The following TRPS1 variants were observed in gnomAD, a reference collection of about 807,000 sequenced individuals.
The protein encoded by TRPS1 is zinc finger transcription factor Trps1.
Under a neutral mutation model 101.2 loss-of-function variants are expected in TRPS1, and 6 were observed. The ratio of observed to expected loss-of-function variants is 0.06; its 90% confidence interval spans 0.03 to 0.12. The LOEUF (loss-of-function observed/expected upper bound fraction) is 0.12. TRPS1 is among the 10% of genes least tolerant of loss of function. TRPS1 has a pLI of 1.00. For missense variants in TRPS1, 1,363 were observed against 1,567.0 expected, an observed-to-expected ratio of 0.87 and a Z score of 2.20; for synonymous variants, 578 against 589.8, an observed-to-expected ratio of 0.98 and a Z score of 0.29.
At chr8:115,446,996 C>G (rs899037176) in intron 5 of TRPS1, among the ~76,000 whole-genome samples, 1 of 152,090 alleles carries the variant, frequency 6.6e-6, no homozygotes, top group African/African-American at 2.4e-5. Context: ...CCCAGGAGTA[C>G]TTGTTTACAA....
At chr8:115,625,084 C>T (rs1026121636) in intron 1 of TRPS1, among the ~76,000 whole-genome samples, 3 of 151,894 alleles carry the variant, frequency 2.0e-5, no homozygotes, top group Non-Finnish European at 2.9e-5. Context: ...GCTTAGATCA[C>T]GCATCAGCTC....
chr8:115,587,744 A>T (rs1817599033), intron 4 of TRPS1, 140 bp from the exon 5 acceptor site: 1 of 1,427,788 alleles, frequency 7.0e-7, no homozygotes. Flanking sequence ...TTAACACCCC[A>T]AAACTGGAAT....
chr8:115,526,729 T>C (rs762760544), intron 5 of TRPS1, among the ~76,000 whole-genome samples: 23 of 152,164 alleles, frequency 1.5e-4, no homozygotes, highest in Non-Finnish European at 2.8e-4. Context: ...CCCCAGACTG[T>C]CCTGCCTTAA....
chr8:115,554,615 A>T (rs1432734177), intron 5 of TRPS1, among the ~76,000 whole-genome samples: 1 of 152,198 alleles, frequency 6.6e-6, no homozygotes, highest in African/African-American at 2.4e-5. Flanking sequence ...TGAGGATTGC[A>T]CCGCAGTTTT....
intron 4 of TRPS1, among the ~76,000 whole-genome samples, chr8:115,598,528 G>C (rs1306201860): frequency 2.0e-5 from 3 of 152,046 alleles, no homozygotes; most frequent in Admixed American, 2.0e-4. Context: ...TGCCCAGGCT[G>C]ATCTCAAACT....
intron 5 of TRPS1, among the ~76,000 whole-genome samples, chr8:115,433,889 G>A (rs560160033): frequency 6.6e-6 from 1 of 152,132 alleles, no homozygotes; most frequent in Admixed American, 6.6e-5. Context: ...AGTGTCTCTG[G>A]GATAATTGTT....
chr8:115,563,164 A>T (rs16887545), intron 5 of TRPS1, among the ~76,000 whole-genome samples: 5,429 of 152,128 alleles, frequency 0.036, 362 homozygotes, highest in African/African-American at 0.12. Context: ...CCCAACAAAC[A>T]TGCATCACTA....
chr8:115,453,205 G>A (rs1250712028), intron 5 of TRPS1, among the ~76,000 whole-genome samples: 1 of 152,042 alleles, frequency 6.6e-6, no homozygotes, highest in Non-Finnish European at 1.5e-5. Flanking sequence ...ATTTTTAGTA[G>A]AGACGGGGTT....
intron 5 of TRPS1, among the ~76,000 whole-genome samples, chr8:115,539,845 G>A (rs946863233): frequency 3.3e-5 from 5 of 152,126 alleles, no homozygotes; most frequent in Non-Finnish European, 7.4e-5. Context: ...CATAGAGGCT[G>A]GAATGCAGCC....
chr8:115,638,278 AGTTT>A (rs143190377), intron 1 of TRPS1, among the ~76,000 whole-genome samples: 4,392 of 152,216 alleles, frequency 0.029, 199 homozygotes, highest in African/African-American at 0.099. Flanking sequence ...ATCCAGACAG[AGTTT>A]GTTTTTGAAG....
intron 5 of TRPS1, among the ~76,000 whole-genome samples, chr8:115,493,593 C>T (rs1815080839): frequency 6.6e-6 from 1 of 151,990 alleles, no homozygotes; most frequent in Admixed American, 6.5e-5. Context: ...AAGTGATCCA[C>T]CCGCCTCAGC....
intron 5 of TRPS1, among the ~76,000 whole-genome samples, chr8:115,565,336 T>C (rs896754516): frequency 2.0e-5 from 3 of 152,084 alleles, no homozygotes; most frequent in African/African-American, 7.2e-5. Context: ...ACCCCAACTG[T>C]GTATCCCATT....
intron 5 of TRPS1, among the ~76,000 whole-genome samples, chr8:115,444,070 A>G (rs1813672234): frequency 6.6e-6 from 1 of 152,196 alleles, no homozygotes; most frequent in African/African-American, 2.4e-5. Flanking sequence ...GTAGTTTATC[A>G]TTAGCATCTT....
chr8:115,598,031 A>G (rs1425664450), intron 4 of TRPS1, among the ~76,000 whole-genome samples: 1 of 152,182 alleles, frequency 6.6e-6, no homozygotes, highest in Non-Finnish European at 1.5e-5. Flanking sequence ...AAGACTTTTG[A>G]TATCTACAAT....
At chr8:115,464,242 T>C (rs1241472532) in intron 5 of TRPS1, among the ~76,000 whole-genome samples, 1 of 152,142 alleles carries the variant, frequency 6.6e-6, no homozygotes, top group African/African-American at 2.4e-5. Flanking sequence ...AAATATTATT[T>C]TATCCAACTG....
At chr8:115,517,300 T>C (rs1257144335) in intron 5 of TRPS1, among the ~76,000 whole-genome samples, 2 of 151,666 alleles carry the variant, frequency 1.3e-5, no homozygotes, top group African/African-American at 2.4e-5. Context: ...CTGAAAAGTT[T>C]TGCATAAATA....
chr8:115,521,246 G>A (rs1815853530), intron 5 of TRPS1, among the ~76,000 whole-genome samples: 1 of 151,858 alleles, frequency 6.6e-6, no homozygotes, highest in South Asian at 2.1e-4. Context: ...GGCAATGATA[G>A]TGAATCCTAC....
chr8:115,478,821 A>G (rs1226691363), intron 5 of TRPS1, among the ~76,000 whole-genome samples: 2 of 147,276 alleles, frequency 1.4e-5, no homozygotes, highest in African/African-American at 5.1e-5. Context: ...AAGTATATAT[A>G]TATGTATATA....
At chr8:115,506,904 AAATAT>A (rs1316710725) in intron 5 of TRPS1, among the ~76,000 whole-genome samples, 14 of 152,132 alleles carry the variant, frequency 9.2e-5, no homozygotes, top group African/African-American at 3.4e-4. Flanking sequence ...GTGCTCTAGT[AAATAT>A]AACTTGTGAG....
Sources: gnomAD v4.1 joint callset for allele counts (sites outside exome capture counted in the v4.1 genomes callset) on GRCh38, gnomAD v4.1.1 for gene constraint, MANE v1.5 for transcripts, NCBI Gene and HGNC (gene_info 2026-07-23, HGNC 2026-07-21) for gene names.